Variants in CFHR4 observed in about 807,000 individuals in gnomAD.
The protein encoded by CFHR4 is complement factor H related 4, also known as complement factor H-related protein 4.
A neutral mutation model predicts 69.3 loss-of-function variants in CFHR4; 64 were observed. The ratio of observed to expected loss-of-function variants is 0.92; its 90% CI spans 0.76 to 1.14. CFHR4 has a LOEUF of 1.14. Ranked by LOEUF, CFHR4 falls within the 50% of genes most tolerant of loss-of-function variation. CFHR4 has a pLI of 0.00. For missense variants in CFHR4, 636 were observed against 684.9 expected (o/e 0.93, Z 0.80); for synonymous variants, 244 against 237.0 (o/e 1.03, Z -0.27).
In CFHR4 at chr1:196,895,984, A is replaced by C. The variant is rs1657274319; in HGVS notation, c.59-6434A>C. ...ATGTCTGTGTCACAAATTAGCCGGT[A>C]GTATAGACTTTAGGTTGTCTCCAGT... On this transcript the variant is annotated intron_variant, in intron 1 of 9. Transcript: ENST00000608469. Among the ~76,000 whole-genome samples, 3 of 150,206 alleles carry C rather than the reference A, an allele frequency of 2.0e-5. No individual in the cohort carries two copies. The South Asian group carries it at 6.3e-4, about 31-fold the overall frequency.
intron 1 of CFHR4, among the ~76,000 whole-genome samples, chr1:196,891,936 C>A (rs1657062450): frequency 6.6e-6 from 1 of 151,364 alleles, no homozygotes; most frequent in South Asian, 2.1e-4. Context: ...CTAATACAAA[C>A]AAAATGCCAC....
At chr1:196,912,404 C>G (rs1558249495) in intron 6 of CFHR4, among the ~76,000 whole-genome samples, 1 of 151,434 alleles carries the variant, frequency 6.6e-6, no homozygotes, top group African/African-American at 2.4e-5. Flanking sequence ...CAAAAATACT[C>G]AGGTTGTTGC....
rs78329049 is a variant in CFHR4, at chr1:196,896,802, G to A, written c.59-5616G>A. Among the ~76,000 whole-genome samples the A allele has an allele frequency of 9.9e-5, 15 of 151,560 alleles. No individual in the cohort carries two copies. The East Asian group carries it at 2.5e-3, about 25-fold the overall frequency. The stretch of plus-strand genomic sequence containing the variant: ...TGTAAAGGTGAGGAGTCAGATTCCA[G>A]GTGTTTCCTCCTCCGCCATCTTCCC... On this transcript the variant is annotated intron_variant, in intron 1 of 9. Transcript: ENST00000608469.
chr1:196,889,557 T>A (rs2124930329), intron 1 of CFHR4, among the ~76,000 whole-genome samples: 1 of 151,724 alleles, frequency 6.6e-6, no homozygotes, highest in Admixed American at 6.6e-5. Context: ...TCTCCTCCAA[T>A]GAACTCTTTG....
rs1658181722 is a variant in CFHR4, at chr1:196,910,237, T to C, written c.800-44T>C. On this transcript the variant is annotated intron_variant, in intron 5 of 9. Transcript: ENST00000608469. ...AGTCATCTCTTATATCATTGTCTGT[T>C]ACAGTGAAACATTATTTATACTATT... 3 of 1,149,560 alleles carry C rather than the reference T, an allele frequency of 2.6e-6. No homozygotes were observed. In the Admixed American group the frequency reaches 6.6e-5, roughly 25 times the overall value. 71.2% of individuals were successfully genotyped at this position (1,149,560 alleles called of 1,614,324 possible).
intron 1 of CFHR4, 27 bp downstream of exon 1, chr1:196,888,235 A>T: frequency 6.2e-7 from 1 of 1,606,198 alleles, no homozygotes; most frequent in East Asian, 2.2e-5. Flanking sequence ...CTAAACACTC[A>T]GCTTCCCTCT....
chr1:196,914,452 CG>C (rs1262460088), intron 7 of CFHR4, 42 bp from the exon 8 acceptor site: 2 of 1,572,012 alleles, frequency 1.3e-6, no homozygotes, highest in East Asian at 4.5e-5. Flanking sequence ...AGTTGTGCAT[CG>C]TATGGCATAG....
Position 196,888,099 on chromosome 1 carries a change from C to G in CFHR4, c.-52C>G. ...ACTAATAATGAAAGATTTCAAACCC[C>G]AAACAGTGCAACTGAAACTTTTGCA... On this transcript the variant is annotated 5_prime_UTR_variant, in exon 1 of 10. Transcript: ENST00000608469. The G allele has an allele frequency of 6.4e-7, 1 of 1,573,186 alleles. No individual in the cohort carries two copies. The highest frequency in any genetic ancestry group is 8.7e-7 in the Non-Finnish European group (1 of 1,146,436).
chr1:196,899,602 A>C (rs1190474908), intron 1 of CFHR4, among the ~76,000 whole-genome samples: 1 of 151,606 alleles, frequency 6.6e-6, no homozygotes, highest in Non-Finnish European at 1.5e-5. Flanking sequence ...TGTCAAAAGC[A>C]TGAGTTCTTA....
chr1:196,888,277 T>C (rs1184339496), intron 1 of CFHR4, 69 bp downstream of exon 1: 2 of 1,475,876 alleles, frequency 1.4e-6, no homozygotes, highest in Non-Finnish European at 1.9e-6. Flanking sequence ...TCTAACTTCA[T>C]ATGTCTATAA....
chr1:196,900,042 G>C lies in CFHR4; in HGVS notation c.59-2376G>C, dbSNP rs57742022. Among the ~76,000 whole-genome samples, 1,035 of 151,574 alleles carry C rather than the reference G, an allele frequency of 6.8e-3. 42 individuals carry two copies. Among genetic ancestry groups the C allele is most frequent in the African/African-American group, 0.024 (992 of 41,140 alleles). ...TCATAATTCCAGAAGAATCCTACGT[G>C]CAAAGCTAAATCTAAAAAAATTAAA... On this transcript the variant is annotated intron_variant, in intron 1 of 9. Transcript: ENST00000608469.
chr1:196,905,813 C>G (rs185014629), intron 3 of CFHR4, among the ~76,000 whole-genome samples: 1 of 151,288 alleles, frequency 6.6e-6, no homozygotes, highest in African/African-American at 2.4e-5. Context: ...TTGTCTAGTA[C>G]AGAGAAAACA....
chr1:196,908,595 C>T (rs1259688838), intron 5 of CFHR4, among the ~76,000 whole-genome samples: 2 of 151,320 alleles, frequency 1.3e-5, no homozygotes, highest in Non-Finnish European at 2.9e-5. Flanking sequence ...AGAATTTTGT[C>T]CCACAAATCC....
At position 196,892,262 on chromosome 1, in the gene CFHR4, G is replaced by A. The variant is rs937239844; in HGVS notation, c.58+4054G>A. Among the ~76,000 whole-genome samples the A allele has an allele frequency of 2.0e-5, 3 of 151,516 alleles. 1 individual carries two copies. Among genetic ancestry groups the A allele is most frequent in the African/African-American group, 7.3e-5 (3 of 41,062 alleles). ...TTTAAGTGGAGCAATAAAATGACCA[G>A]ATGAAGGATCACTAATTTATACACA... is the stretch of plus-strand genomic sequence containing the variant. On this transcript the variant is annotated intron_variant, in intron 1 of 9. Transcript: ENST00000608469.
Position 196,912,836 on chromosome 1 carries a change from A to C in CFHR4, c.1094A>C (p.Lys365Thr). Residue 365 changes from lysine (K) to threonine (T), a missense_variant, in exon 7 of 10, where the codon AAA becomes ACA. Physicochemically the swap from Lys to Thr is moderately conservative, Grantham distance 78. Around this residue, in one of 3 missense-constraint regions of CFHR4, gnomAD observed 529 missense variants for 533.2 expected, o/e 0.99. Coordinates refer to ENST00000608469, the MANE Select transcript of CFHR4 (RefSeq NM_001201550.3). ...AATAAAGAAATACAATATAAATGTA[A>C]ACCAGGATATGCAACAGCAGATGGA... is the stretch of plus-strand genomic sequence containing the variant. ...ILNKEIQYKC[K>T]PGYATADGNS... 6.2e-7 allele frequency: 1 copy of C among 1,610,236 alleles called. No homozygotes were observed. Among genetic ancestry groups the C allele is most frequent in the Non-Finnish European group, 8.5e-7 (1 of 1,178,334 alleles).
chr1:196,914,878 A>T (rs1399885140), intron 8 of CFHR4, 78 bp from the exon 9 acceptor site: 10 of 1,532,122 alleles, frequency 6.5e-6, no homozygotes, highest in Non-Finnish European at 8.9e-6. Context: ...TACAGTTAAG[A>T]GTATATAAAA....
At chr1:196,893,271 TA>T (rs1325157457) in intron 1 of CFHR4, among the ~76,000 whole-genome samples, 2 of 151,608 alleles carry the variant, frequency 1.3e-5, no homozygotes, top group Non-Finnish European at 2.9e-5. Context: ...TCAAAACACT[TA>T]CGAAGGGGAG....
intron 2 of CFHR4, 79 bp downstream of exon 2, chr1:196,902,694 C>A: frequency 1.8e-6 from 2 of 1,089,458 alleles, no homozygotes; most frequent in Non-Finnish European, 2.7e-6. Flanking sequence ...ATTATATTGT[C>A]TTATATAACA....
chr1:196,889,818 G>C (rs1656921796), intron 1 of CFHR4, among the ~76,000 whole-genome samples: 1 of 151,372 alleles, frequency 6.6e-6, no homozygotes, highest in African/African-American at 2.4e-5. Flanking sequence ...CAATGATTCA[G>C]GTGGGACCTA....
Sources: allele counts gnomAD v4.1 joint callset (sites outside exome capture counted in the v4.1 genomes callset), GRCh38; gene constraint gnomAD v4.1.1; regional missense constraint gnomAD v4.1.1; transcripts MANE v1.5; gene names NCBI Gene and HGNC (gene_info 2026-07-23, HGNC 2026-07-21).